ANKRD7: variants seen among roughly 807,000 people sequenced by gnomAD.
ANKRD7 encodes ankyrin repeat domain 7.
A neutral mutation model predicts 30.8 loss-of-function variants in ANKRD7; 30 were observed. That is an observed-to-expected ratio of 0.97 (90% CI 0.73 to 1.32). ANKRD7 has a LOEUF of 1.32. Ranked by LOEUF, ANKRD7 falls within the 40% of genes most tolerant of loss-of-function variation. The probability of loss-of-function intolerance (pLI) is 0.00; values close to 1 mark genes in which losing one functional copy is unlikely to be tolerated. For missense variants in ANKRD7, 264 were observed against 295.7 expected (o/e 0.89, Z 0.79); for synonymous variants, 97 against 106.6 (o/e 0.91, Z 0.55).
chr7:118,240,058 AG>A (rs1178222979), intron 6 of ANKRD7, 60 bp downstream of exon 6: 2 of 993,808 alleles, frequency 2.0e-6, no homozygotes, highest in Non-Finnish European at 2.7e-6. Context: ...TTAATTTTTT[AG>A]GAAAGGAAAC....
In ANKRD7 at chr7:118,239,939, G is replaced by A. The variant is rs1163228571; in HGVS notation, c.743G>A (p.Gly248Glu). ...TACCCACAATTCACTGCGAGCCATG[G>A]AAAGAAGAAACATGCTAAATAGACA... ...HRYPQFTASH[G>E]KKKHAK Residue 248 changes from glycine (G) to glutamate (E), a missense_variant, in exon 6 of 7, where the codon GGA becomes GAA. By Grantham distance (98) the Gly-to-Glu change is moderately conservative. Transcript: ENST00000265224. 8.8e-6 allele frequency: 14 copies of A among 1,597,950 alleles called. No homozygotes were observed. The highest frequency in any genetic ancestry group is 1.0e-5 in the Non-Finnish European group (12 of 1,169,892).
At chr7:118,230,633 C>A (rs76433817) in intron 1 of ANKRD7, among the ~76,000 whole-genome samples, 1 of 147,980 alleles carries the variant, frequency 6.8e-6, no homozygotes, top group Non-Finnish European at 1.5e-5. Flanking sequence ...TCTGTTTGAA[C>A]GTGTGTGTGT....
intron 1 of ANKRD7, among the ~76,000 whole-genome samples, chr7:118,225,749 T>G (rs1226450571): frequency 6.6e-6 from 1 of 152,190 alleles, no homozygotes; most frequent in Non-Finnish European, 1.5e-5. Flanking sequence ...TTTTAAATTT[T>G]TTGAAGAAGA....
chr7:118,231,278 C>A (rs1403887045), intron 1 of ANKRD7, among the ~76,000 whole-genome samples: 1 of 152,064 alleles, frequency 6.6e-6, no homozygotes, highest in African/African-American at 2.4e-5. Flanking sequence ...ATTTCAAGAG[C>A]AGTGTGCCTA....
chr7:118,233,625 A>G (rs547700147), intron 1 of ANKRD7, among the ~76,000 whole-genome samples: 33 of 152,230 alleles, frequency 2.2e-4, no homozygotes, highest in African/African-American at 7.7e-4. Flanking sequence ...AGGTACCCAT[A>G]GAGTACTTCT....
chr7:118,227,820 A>G (rs1279115891), intron 1 of ANKRD7: 9 of 1,221,608 alleles, frequency 7.4e-6, no homozygotes, highest in Non-Finnish European at 9.6e-6. Context: ...AGGGTATGAA[A>G]AGCATCATCT....
Position 118,224,786 on chromosome 7 carries a change from C to A in ANKRD7, c.-45C>A, listed in dbSNP as rs746987251. ...GGGGCAGGGCGGACGGCTAGGAGTTCAAGAAACATCCTGGTCTGAGGGAAA... is the reference window on the plus strand; with the variant it reads ...GGGGCAGGGCGGACGGCTAGGAGTTAAAGAAACATCCTGGTCTGAGGGAAA... On this transcript the variant is annotated 5_prime_UTR_variant, in exon 1 of 7. Transcript: ENST00000265224. 8 of 1,577,550 alleles carry A rather than the reference C, an allele frequency of 5.1e-6. No homozygotes were observed. In the South Asian group the frequency reaches 9.3e-5, roughly 18 times the overall value.
chr7:118,241,632 C>T (rs1005186035), intron 6 of ANKRD7, among the ~76,000 whole-genome samples: 19 of 146,348 alleles, frequency 1.3e-4, no homozygotes, highest in Admixed American at 6.3e-4. Context: ...TTCTGCCTCC[C>T]GGGTTCAAGC....
chr7:118,231,558 A>G (rs1422362829), intron 1 of ANKRD7, among the ~76,000 whole-genome samples: 1 of 152,066 alleles, frequency 6.6e-6, no homozygotes, highest in East Asian at 1.9e-4. Context: ...GGAGCCCAAG[A>G]ATGTCACTTA....
chr7:118,238,010 A>G (rs969067911), intron 5 of ANKRD7, among the ~76,000 whole-genome samples: 14 of 152,150 alleles, frequency 9.2e-5, no homozygotes, highest in Admixed American at 5.9e-4. Context: ...AAACTAGAAG[A>G]CACATGTATC....
intron 3 of ANKRD7, among the ~76,000 whole-genome samples, chr7:118,235,216 A>G (rs17141125): frequency 0.018 from 2,804 of 152,300 alleles, 43 homozygotes; most frequent in East Asian, 0.077. Flanking sequence ...TTATTGATAT[A>G]CTCATGAATA....
intron 1 of ANKRD7, among the ~76,000 whole-genome samples, chr7:118,230,934 G>T (rs1250520007): frequency 6.6e-6 from 1 of 151,842 alleles, no homozygotes; most frequent in African/African-American, 2.4e-5. Flanking sequence ...GATATTTTTA[G>T]ATATGTTTTC....
rs1246475631 is a variant in ANKRD7 at position 118,224,880 on chromosome 7, A to G, written c.50A>G (p.Gln17Arg). The change falls in exon 1 of 7, where the codon CAG (glutamine) becomes CGG (arginine). Residue 17 changes from glutamine (Q) to arginine (R), a missense_variant. Physicochemically the swap from Gln to Arg is conservative, Grantham distance 43 (BLOSUM62 1). Coordinates refer to ENST00000265224, the MANE Select transcript of ANKRD7 (RefSeq NM_019644.4). ...AAGAGGAAGAATGAGACCCGCAGCC[A>G]GGGCTACAACCTTCGAGAAAAGGAT... ...FWKRKNETRS[Q>R]GYNLREKDLK... 24 of 1,614,014 alleles carry G rather than the reference A, an allele frequency of 1.5e-5. No individual in the cohort carries two copies. The highest frequency in any genetic ancestry group is 1.6e-4 in the Middle Eastern group (1 of 6,084).
chr7:118,233,494 A>C (rs1809673505), intron 1 of ANKRD7, among the ~76,000 whole-genome samples: 1 of 151,960 alleles, frequency 6.6e-6, no homozygotes. Context: ...CATAGATGGT[A>C]AGTTATTGTG....
chr7:118,234,654 T>C (rs1186327562), intron 2 of ANKRD7, 47 bp from the exon 3 acceptor site: 17 of 1,570,854 alleles, frequency 1.1e-5, no homozygotes, highest in African/African-American at 2.7e-5. Flanking sequence ...ATTTATCATA[T>C]CCCAAGTAGT....
intron 1 of ANKRD7, chr7:118,228,030 GT>G: frequency 7.7e-7 from 1 of 1,301,360 alleles, no homozygotes. Context: ...TCAGGGGTCA[GT>G]TTTTAGTCTT....
chr7:118,241,016 C>T (rs1036385926), intron 6 of ANKRD7, among the ~76,000 whole-genome samples: 15 of 149,306 alleles, frequency 1.0e-4, no homozygotes, highest in African/African-American at 2.9e-4. Context: ...TAGCCGGGCG[C>T]GGTGGCGGGC....
chr7:118,236,210 A>ATATGTGTG (rs374969026), intron 4 of ANKRD7, 63 bp downstream of exon 4: 41 of 605,906 alleles, frequency 6.8e-5, no homozygotes, highest in Non-Finnish European at 9.6e-5. Context: ...GTGTGTGCGT[A>ATATGTGTG]TGTGTGTGTG....
chr7:118,228,209 G>A (rs1809577800), intron 1 of ANKRD7, among the ~76,000 whole-genome samples: 1 of 152,040 alleles, frequency 6.6e-6, no homozygotes, highest in Non-Finnish European at 1.5e-5. Context: ...AAACACGTAA[G>A]GAATTCCACC....
Sources: allele counts gnomAD v4.1 joint callset (sites outside exome capture counted in the v4.1 genomes callset), GRCh38; gene constraint gnomAD v4.1.1; transcripts MANE v1.5; gene names NCBI Gene and HGNC (gene_info 2026-07-23, HGNC 2026-07-21).